Variants in PLCB1 observed in about 807,000 individuals in gnomAD.
The protein encoded by PLCB1 is phospholipase C beta 1, also known as 1-phosphatidylinositol 4,5-bisphosphate phosphodiesterase beta-1.
PLCB1 carries 46 observed loss-of-function variants against 161.8 expected under a neutral mutation model. That is an observed-to-expected ratio of 0.28 (90% confidence interval 0.22 to 0.36). The LOEUF (loss-of-function observed/expected upper bound fraction) is 0.36, where lower values mean the gene tolerates loss of function less well. Ranked by LOEUF, PLCB1 falls within the 10% of genes least tolerant of loss-of-function variation. The pLI, the probability that PLCB1 is intolerant of heterozygous loss-of-function variation, is 1.00. For missense variants in PLCB1, 1,016 were observed against 1,472.5 expected, an observed-to-expected ratio of 0.69 and a Z score of 5.07; for synonymous variants, 517 against 503.7, an observed-to-expected ratio of 1.03 and a Z score of -0.35.
At chr20:8,822,640 C>G (rs1336567537) in intron 31 of PLCB1, among the ~76,000 whole-genome samples, 1 of 152,170 alleles carries the variant, frequency 6.6e-6, no homozygotes. Context: ...GAAAGAAAAA[C>G]TAAAAAGCAG....
chr20:8,241,719 T>TAC (rs141556232), intron 2 of PLCB1, among the ~76,000 whole-genome samples: 1,601 of 152,000 alleles, frequency 0.011, 35 homozygotes, highest in African/African-American at 0.036. Context: ...TCAACTAGTA[T>TAC]ACACAGAGGT....
intron 2 of PLCB1, among the ~76,000 whole-genome samples, chr20:8,345,525 T>A (rs191829864): frequency 6.6e-6 from 1 of 152,298 alleles, no homozygotes; most frequent in Non-Finnish European, 1.5e-5. Context: ...CCAAACCCTC[T>A]TTCTGGTCCA....
chr20:8,774,871 T>C, intron 27 of PLCB1, 152 bp downstream of exon 27: 1 of 534,052 alleles, frequency 1.9e-6, no homozygotes, highest in Admixed American at 3.1e-5. Flanking sequence ...CATCACACTA[T>C]TGTTTTTATA....
At chr20:8,590,114 A>T (rs1040305481) in intron 3 of PLCB1, among the ~76,000 whole-genome samples, 3 of 152,140 alleles carry the variant, frequency 2.0e-5, no homozygotes, top group Non-Finnish European at 4.4e-5. Flanking sequence ...ATAATATAAT[A>T]AATGTAGAGA....
chr20:8,546,479 G>C (rs2122976667), intron 3 of PLCB1, among the ~76,000 whole-genome samples: 1 of 152,088 alleles, frequency 6.6e-6, no homozygotes, highest in Non-Finnish European at 1.5e-5. Context: ...TATTTTAAGA[G>C]AACATCATGA....
chr20:8,260,245 AT>A (rs55691846), intron 2 of PLCB1, among the ~76,000 whole-genome samples: 2,282 of 133,400 alleles, frequency 0.017, 39 homozygotes, highest in African/African-American at 0.051. Flanking sequence ...AGCACCCAGC[AT>A]TTTTTTTTTT....
At chr20:8,790,742 A>G (rs1568600922) in intron 31 of PLCB1, among the ~76,000 whole-genome samples, 1 of 152,210 alleles carries the variant, frequency 6.6e-6, no homozygotes, top group Non-Finnish European at 1.5e-5. Flanking sequence ...TTTGTTTCCC[A>G]TAGTAACAGT....
rs150562757 is a variant in PLCB1 at position 8,436,293 on chromosome 20, G to A, written c.246+64843G>A. 4.3e-3 allele frequency among the ~76,000 whole-genome samples: 620 copies of A among 145,546 alleles called. 7 individuals are homozygous for A. Among genetic ancestry groups the A allele is most frequent in the African/African-American group, 0.015 (591 of 39,220 alleles). On this transcript the variant is annotated intron_variant, in intron 3 of 31. Transcript: ENST00000338037. ...GAGGTTGCACTGAGATCGCGCCACC[G>A]AACTCCAGTCTGGGTGACAGAGTGA... is the stretch of plus-strand genomic sequence containing the variant.
At chr20:8,375,481 A>G (rs1987042233) in intron 3 of PLCB1, among the ~76,000 whole-genome samples, 1 of 152,224 alleles carries the variant, frequency 6.6e-6, no homozygotes, top group African/African-American at 2.4e-5. Flanking sequence ...CTTGTCTTGT[A>G]CAGAAAAAGT....
chr20:8,231,516 A>G (rs1053102639), intron 2 of PLCB1, among the ~76,000 whole-genome samples: 1 of 152,214 alleles, frequency 6.6e-6, no homozygotes, highest in African/African-American at 2.4e-5. Context: ...AGCATGGTAC[A>G]TAGGTCCTGC....
intron 3 of PLCB1, among the ~76,000 whole-genome samples, chr20:8,587,705 G>T (rs902231616): frequency 1.3e-5 from 2 of 152,148 alleles, no homozygotes; most frequent in African/African-American, 2.4e-5. Flanking sequence ...AAATTTTCAG[G>T]TTAATGCAGT....
At chr20:8,136,272 C>A (rs1308056029) in intron 1 of PLCB1, among the ~76,000 whole-genome samples, 1 of 152,190 alleles carries the variant, frequency 6.6e-6, no homozygotes, top group Non-Finnish European at 1.5e-5. Context: ...TAAATGAATG[C>A]ATATGCATTG....
At chr20:8,775,386 G>A (rs774840506) in intron 27 of PLCB1, among the ~76,000 whole-genome samples, 4 of 152,168 alleles carry the variant, frequency 2.6e-5, no homozygotes, top group Non-Finnish European at 5.9e-5. Flanking sequence ...AAATATCCTT[G>A]AAAACAAGCT....
chr20:8,741,723 A>T, intron 23 of PLCB1, 150 bp downstream of exon 23: 1 of 568,244 alleles, frequency 1.8e-6, no homozygotes, highest in African/African-American at 1.9e-5. Flanking sequence ...GTCACAGAAC[A>T]TCTAGATGAT....
intron 3 of PLCB1, among the ~76,000 whole-genome samples, chr20:8,576,996 C>T (rs76431738): frequency 0.011 from 1,726 of 151,900 alleles, 21 homozygotes; most frequent in Middle Eastern, 0.037. Context: ...CCTGTAGAGC[C>T]AGGTCATGAA....
intron 2 of PLCB1, among the ~76,000 whole-genome samples, chr20:8,188,971 T>C (rs1488186797): frequency 6.6e-6 from 1 of 152,092 alleles, no homozygotes; most frequent in Non-Finnish European, 1.5e-5. Flanking sequence ...AGCAACTGAT[T>C]TAGAAATTGA....
intron 9 of PLCB1, among the ~76,000 whole-genome samples, chr20:8,662,419 T>G (rs1386463061): frequency 8.0e-6 from 1 of 125,416 alleles, no homozygotes. Context: ...GTATAATATA[T>G]AATTATTTAT....
At chr20:8,482,857 A>G (rs1002839088) in intron 3 of PLCB1, among the ~76,000 whole-genome samples, 4 of 152,136 alleles carry the variant, frequency 2.6e-5, no homozygotes, top group Non-Finnish European at 5.9e-5. Flanking sequence ...ATGGATGGCA[A>G]AGAGATATTT....
At chr20:8,575,916 A>G (rs984348169) in intron 3 of PLCB1, among the ~76,000 whole-genome samples, 2 of 152,222 alleles carry the variant, frequency 1.3e-5, no homozygotes, top group Non-Finnish European at 2.9e-5. Flanking sequence ...CAAACTCAGT[A>G]AGAAATAAAA....
Sources: allele counts gnomAD v4.1 joint callset (sites outside exome capture counted in the v4.1 genomes callset), GRCh38; gene constraint gnomAD v4.1.1; transcripts MANE v1.5; gene names NCBI Gene and HGNC (gene_info 2026-07-23, HGNC 2026-07-21).